The following ADAMTS17 variants were observed in gnomAD, a reference collection of about 807,000 sequenced individuals.
ADAMTS17 encodes A disintegrin and metalloproteinase with thrombospondin motifs 17.
In ADAMTS17, 113 loss-of-function variants were observed where a neutral mutation model predicts 141.5. The ratio of observed to expected loss-of-function variants is 0.80; its 90% confidence interval spans 0.69 to 0.93. The LOEUF (loss-of-function observed/expected upper bound fraction) is 0.93, where lower values mean the gene tolerates loss of function less well. ADAMTS17 is among the 40% of genes least tolerant of loss of function. The probability of loss-of-function intolerance (pLI) is 0.00; values close to 1 mark genes in which losing one functional copy is unlikely to be tolerated. For missense variants in ADAMTS17, 1,659 were observed against 1,517.9 expected, an observed-to-expected ratio of 1.09 and a Z score of -1.54; for synonymous variants, 768 against 630.6, an observed-to-expected ratio of 1.22 and a Z score of -3.27.
chr15:100,053,678 G>A (rs1397743837), intron 16 of ADAMTS17, among the ~76,000 whole-genome samples: 1 of 152,132 alleles, frequency 6.6e-6, no homozygotes, highest in African/African-American at 2.4e-5. Flanking sequence ...AAGAGCCAGG[G>A]GAAGCAATGA....
At chr15:100,295,246 G>T (rs1449938299) in intron 3 of ADAMTS17, among the ~76,000 whole-genome samples, 2 of 152,132 alleles carry the variant, frequency 1.3e-5, no homozygotes, top group African/African-American at 4.8e-5. Flanking sequence ...TTCCCATTCT[G>T]CCTCTTGTCT....
intron 9 of ADAMTS17, among the ~76,000 whole-genome samples, chr15:100,154,040 G>T (rs895897382): frequency 2.6e-5 from 4 of 152,148 alleles, no homozygotes; most frequent in Non-Finnish European, 5.9e-5. Context: ...AATTATCCGG[G>T]TGTGGTGGCA....
At chr15:100,042,177 G>T (rs2031316553) in intron 18 of ADAMTS17, among the ~76,000 whole-genome samples, 1 of 152,094 alleles carries the variant, frequency 6.6e-6, no homozygotes, top group African/African-American at 2.4e-5. Flanking sequence ...CGATTTTCTG[G>T]CACTCATTTC....
At chr15:100,012,824 T>C (rs2061213838) in intron 18 of ADAMTS17, among the ~76,000 whole-genome samples, 1 of 152,210 alleles carries the variant, frequency 6.6e-6, no homozygotes, top group Admixed American at 6.5e-5. Context: ...GTGTGATGCC[T>C]CCAGATTTGT....
rs187198618 is a variant in ADAMTS17, at chr15:100,235,647, G to A, written c.1075+18489C>T. On this transcript the variant is annotated intron_variant, in intron 7 of 21. Coordinates refer to ENST00000268070, the MANE Select transcript of ADAMTS17 (RefSeq NM_139057.4). ...CTTCCCAGGTTTTGCTGATGCTGTG[G>A]TCTGGGATCACCCTTTGAGAACCAT... Among the ~76,000 whole-genome samples, 143 of 152,314 alleles carry A rather than the reference G, an allele frequency of 9.4e-4. 1 individual carries two copies. The highest frequency in any genetic ancestry group is 3.4e-3 in the Middle Eastern group (1 of 294).
intron 7 of ADAMTS17, among the ~76,000 whole-genome samples, chr15:100,253,365 TA>T: frequency 1.4e-5 from 1 of 72,542 alleles, no homozygotes; most frequent in Non-Finnish European, 2.7e-5. Flanking sequence ...GAGGGGAAGG[TA>T]GAGGGGGAGG....
At chr15:100,138,708 G>A (rs570414728) in intron 10 of ADAMTS17, among the ~76,000 whole-genome samples, 3 of 152,298 alleles carry the variant, frequency 2.0e-5, no homozygotes, top group East Asian at 3.9e-4. Flanking sequence ...GAGTTGGGCA[G>A]AGACAATATT....
At chr15:100,128,150 G>C (rs1454781860) in intron 12 of ADAMTS17, 2 of 152,234 alleles carry the variant, frequency 1.3e-5, no homozygotes, top group African/African-American at 4.8e-5. Context: ...GCTAGGAGTA[G>C]AGGTCCCAGT....
chr15:100,180,063 G>T (rs1258883812), intron 8 of ADAMTS17, among the ~76,000 whole-genome samples: 1 of 152,166 alleles, frequency 6.6e-6, no homozygotes, highest in Non-Finnish European at 1.5e-5. Flanking sequence ...TCCTTTGGCT[G>T]CCTGTTCCTG....
intron 7 of ADAMTS17, among the ~76,000 whole-genome samples, chr15:100,222,960 G>A (rs7182204): frequency 0.029 from 4,477 of 152,292 alleles, 232 homozygotes; most frequent in African/African-American, 0.1. Context: ...GGTGTTTCCT[G>A]GGATTTAATT....
chr15:100,281,405 G>C lies in ADAMTS17; in HGVS notation c.617-4C>G. 6.2e-7 allele frequency: 1 copy of C among 1,611,658 alleles called. No homozygotes were observed. The highest frequency in any genetic ancestry group is 8.5e-7 in the Non-Finnish European group (1 of 1,179,636). On this transcript the variant is annotated splice_polypyrimidine_tract_variant and splice_region_variant and intron_variant, in intron 3 of 21. Transcript: ENST00000268070. ...CCCCACGTCGGCTTCTTCTTTTCTA[G>C]AAAATGATGGAAACATTTGTGCGGT...
chr15:100,317,417 G>A (rs1174276998), intron 3 of ADAMTS17, among the ~76,000 whole-genome samples: 1 of 152,168 alleles, frequency 6.6e-6, no homozygotes, highest in African/African-American at 2.4e-5. Context: ...GAGCACCAGG[G>A]AGACAGGAAA....
chr15:100,321,690 A>G (rs886751667), intron 3 of ADAMTS17, among the ~76,000 whole-genome samples: 11 of 152,228 alleles, frequency 7.2e-5, no homozygotes, highest in Non-Finnish European at 1.3e-4. Context: ...ATACTGCCTC[A>G]CAACTTACAA....
intron 15 of ADAMTS17, among the ~76,000 whole-genome samples, chr15:100,075,289 T>A (rs1211315612): frequency 6.6e-6 from 1 of 152,230 alleles, no homozygotes; most frequent in Non-Finnish European, 1.5e-5. Context: ...AGGAATTTAA[T>A]GTTTGTTATG....
chr15:100,051,773 G>C, intron 16 of ADAMTS17, 42 bp from the exon 17 acceptor site: 1 of 1,613,540 alleles, frequency 6.2e-7, no homozygotes, highest in Non-Finnish European at 8.5e-7. Flanking sequence ...GAAAAGGAAG[G>C]AAGGCCCGTG....
chr15:100,109,343 A>G (rs1230498235), intron 13 of ADAMTS17, among the ~76,000 whole-genome samples: 2 of 152,096 alleles, frequency 1.3e-5, no homozygotes, highest in Non-Finnish European at 2.9e-5. Context: ...TCATCTCTCT[A>G]TCCTTTGCAA....
chr15:100,278,744 G>A (rs1275427132), intron 4 of ADAMTS17, among the ~76,000 whole-genome samples: 1 of 152,202 alleles, frequency 6.6e-6, no homozygotes, highest in Admixed American at 6.5e-5. Context: ...CTAACAAGCA[G>A]GATTGCCGTG....
chr15:99,992,927 A>T, intron 20 of ADAMTS17, 121 bp downstream of exon 20: 1 of 1,270,240 alleles, frequency 7.9e-7, no homozygotes. Flanking sequence ...AAGGAAAATG[A>T]ATTTGCCTAG....
chr15:100,206,704 G>A (rs994778247), intron 7 of ADAMTS17, among the ~76,000 whole-genome samples: 16 of 152,164 alleles, frequency 1.1e-4, no homozygotes, highest in South Asian at 4.1e-4. Flanking sequence ...TGTGGGGAAC[G>A]GGACAACTAA....
Sources: allele counts gnomAD v4.1 joint callset (sites outside exome capture counted in the v4.1 genomes callset), GRCh38; gene constraint gnomAD v4.1.1; transcripts MANE v1.5; gene names NCBI Gene and HGNC (gene_info 2026-07-23, HGNC 2026-07-21).